The following LRP1B variants were observed in gnomAD, a reference collection of about 807,000 sequenced individuals.
LRP1B encodes the protein LDL receptor related protein 1B.
In LRP1B, 217 loss-of-function variants were observed where a neutral mutation model predicts 556.6. That is an observed-to-expected ratio of 0.39 (90% CI 0.35 to 0.44). The LOEUF (loss-of-function observed/expected upper bound fraction) is 0.44. LRP1B is among the 20% of genes least tolerant of loss of function. The probability of loss-of-function intolerance (pLI) is 1.00; values close to 1 mark genes in which losing one functional copy is unlikely to be tolerated. For synonymous variants in LRP1B, 2,047 were observed against 1,865.8 expected (o/e 1.10, Z -2.50); for missense variants, 5,053 against 5,620.8 (o/e 0.90, Z 3.23).
chr2:141,790,847 C>A (rs1695587623), intron 2 of LRP1B, among the ~76,000 whole-genome samples: 1 of 151,642 alleles, frequency 6.6e-6, no homozygotes, highest in African/African-American at 2.4e-5. Context: ...TCCTTGGTAA[C>A]AAAGCATTTC....
intron 37 of LRP1B, among the ~76,000 whole-genome samples, chr2:140,703,675 A>T (rs1686727214): frequency 6.6e-6 from 1 of 152,140 alleles, no homozygotes; most frequent in African/African-American, 2.4e-5. Flanking sequence ...TAGTTCCCCC[A>T]ATCCCCAAGT....
intron 7 of LRP1B, among the ~76,000 whole-genome samples, chr2:141,084,349 T>A (rs139491024): frequency 6.6e-6 from 1 of 152,018 alleles, no homozygotes; most frequent in African/African-American, 2.4e-5. Flanking sequence ...TTATGAGGAG[T>A]CTAGATATGC....
intron 58 of LRP1B, among the ~76,000 whole-genome samples, chr2:140,487,274 C>T (rs1303704287): frequency 6.6e-6 from 1 of 151,904 alleles, no homozygotes; most frequent in Non-Finnish European, 1.5e-5. Flanking sequence ...AAGTTTTAGA[C>T]TCAACTTTCT....
intron 11 of LRP1B, among the ~76,000 whole-genome samples, chr2:141,041,959 T>C (rs1312029449): frequency 6.6e-6 from 1 of 152,070 alleles, no homozygotes; most frequent in Non-Finnish European, 1.5e-5. Context: ...CCCTTTTCCA[T>C]ACGAGGTAAG....
At chr2:141,285,544 C>T (rs1464021046) in intron 3 of LRP1B, among the ~76,000 whole-genome samples, 2 of 145,996 alleles carry the variant, frequency 1.4e-5, no homozygotes, top group Non-Finnish European at 3.0e-5. Context: ...CAACCTCCGC[C>T]TCCCAGGTTC....
intron 71 of LRP1B, among the ~76,000 whole-genome samples, chr2:140,366,120 G>A (rs192177488): frequency 1.1e-4 from 17 of 151,818 alleles, no homozygotes; most frequent in African/African-American, 4.1e-4. Flanking sequence ...CAGAAATGAA[G>A]AGAGAGACAG....
At chr2:140,685,905 T>A (rs1455050822) in intron 41 of LRP1B, among the ~76,000 whole-genome samples, 1 of 151,826 alleles carries the variant, frequency 6.6e-6, no homozygotes, top group Admixed American at 6.6e-5. Flanking sequence ...AGGCAGCAAA[T>A]AAGGAAGTGA....
chr2:140,783,170 CTCT>C (rs1348131932), intron 32 of LRP1B, among the ~76,000 whole-genome samples: 2 of 151,684 alleles, frequency 1.3e-5, no homozygotes, highest in African/African-American at 4.8e-5. Context: ...AATGCTTTAC[CTCT>C]TAAGATGTAT....
chr2:141,862,001 T>C (rs1698261516), intron 1 of LRP1B, among the ~76,000 whole-genome samples: 1 of 152,176 alleles, frequency 6.6e-6, no homozygotes, highest in South Asian at 2.1e-4. Context: ...TTTCATATTG[T>C]TACTTAGTCA....
intron 5 of LRP1B, among the ~76,000 whole-genome samples, chr2:141,234,715 A>G (rs1415635781): frequency 6.6e-6 from 1 of 152,174 alleles, no homozygotes; most frequent in Non-Finnish European, 1.5e-5. Context: ...AAAATGATGC[A>G]AAAAACAGAA....
intron 41 of LRP1B, among the ~76,000 whole-genome samples, chr2:140,633,995 A>G (rs2105283056): frequency 6.6e-6 from 1 of 152,308 alleles, no homozygotes; most frequent in African/African-American, 2.4e-5. Context: ...AGACATTATA[A>G]GAAAGGAAAA....
At chr2:140,345,531 C>T (rs569165673) in intron 77 of LRP1B, among the ~76,000 whole-genome samples, 1 of 150,868 alleles carries the variant, frequency 6.6e-6, no homozygotes, top group South Asian at 2.1e-4. Context: ...TCCTTCTTTT[C>T]CTCCTTTCTA....
chr2:141,475,769 CAGAGAGG>C (rs72425525), intron 3 of LRP1B, among the ~76,000 whole-genome samples: 25,932 of 151,966 alleles, frequency 0.17, 2,376 homozygotes, highest in South Asian at 0.29. Context: ...TGGGGATGGT[CAGAGAGG>C]AGATCAGCCG....
intron 43 of LRP1B, among the ~76,000 whole-genome samples, chr2:140,550,708 T>C (rs902549856): frequency 1.3e-5 from 2 of 152,152 alleles, no homozygotes; most frequent in East Asian, 3.9e-4. Flanking sequence ...TAATACCTAG[T>C]AAGTACACAG....
At chr2:141,852,524 T>A (rs1697901199) in intron 1 of LRP1B, among the ~76,000 whole-genome samples, 1 of 151,686 alleles carries the variant, frequency 6.6e-6, no homozygotes, top group Admixed American at 6.6e-5. Context: ...ATAAGAGTTA[T>A]TAAAATGTAA....
chr2:140,909,594 T>C (rs978833864), intron 21 of LRP1B, among the ~76,000 whole-genome samples: 2 of 151,294 alleles, frequency 1.3e-5, no homozygotes, highest in Admixed American at 1.3e-4. Flanking sequence ...ATTAACATCA[T>C]AAATAAAACC....
intron 1 of LRP1B, among the ~76,000 whole-genome samples, chr2:141,926,926 A>G (rs1398003226): frequency 6.6e-6 from 1 of 152,118 alleles, no homozygotes; most frequent in African/African-American, 2.4e-5. Flanking sequence ...TGTACATATG[A>G]TACAAAATTA....
intron 2 of LRP1B, among the ~76,000 whole-genome samples, chr2:141,568,909 A>G (rs1461016930): frequency 1.4e-5 from 2 of 138,254 alleles, no homozygotes; most frequent in Non-Finnish European, 3.3e-5. Flanking sequence ...GTGTGCCACC[A>G]TGCCCAGTTA....
At chr2:142,042,452 G>A (rs912954188) in intron 1 of LRP1B, among the ~76,000 whole-genome samples, 1 of 151,446 alleles carries the variant, frequency 6.6e-6, no homozygotes, top group East Asian at 2.0e-4. Flanking sequence ...AAATTCAGAA[G>A]TTTTATCCTC....
Sources: gnomAD v4.1 joint callset for allele counts (sites outside exome capture counted in the v4.1 genomes callset) on GRCh38, gnomAD v4.1.1 for gene constraint, MANE v1.5 for transcripts, NCBI Gene and HGNC (gene_info 2026-07-23, HGNC 2026-07-21) for gene names.